SYNE1: variants seen among roughly 807,000 people sequenced by gnomAD.
SYNE1 encodes the protein spectrin repeat containing nuclear envelope protein 1.
A neutral mutation model predicts 1,111.0 loss-of-function variants in SYNE1; 616 were observed. The observed-to-expected ratio is 0.55, with a 90% CI of 0.52 to 0.59. SYNE1 has a LOEUF of 0.59. Ranked by LOEUF, SYNE1 falls within the 20% of genes least tolerant of loss-of-function variation. The pLI is 0.00. For synonymous variants in SYNE1, 3,855 were observed against 3,825.8 expected, an observed-to-expected ratio of 1.01 and a Z score of -0.28; for missense variants, 10,006 against 10,417.0, an observed-to-expected ratio of 0.96 and a Z score of 1.72.
rs116356962 is a variant in SYNE1 at position 152,122,155 on chromosome 6, C to A, written c.*281G>T. 2.2e-5 allele frequency: 10 copies of A among 463,380 alleles called. No homozygotes were observed. Among genetic ancestry groups the A allele is most frequent in the Non-Finnish European group, 3.6e-5 (9 of 252,758 alleles). The allele number at this position is 463,380 out of a possible 1,614,324, so 28.7% of individuals were successfully genotyped here. ...GCCAAGGGCCCAGAATTCATGAGTCCGGGGAACTTTGGAGGTCCTTACTCA... is the reference window on the plus strand; with the variant it reads ...GCCAAGGGCCCAGAATTCATGAGTCAGGGGAACTTTGGAGGTCCTTACTCA... On this transcript the variant is annotated 3_prime_UTR_variant, in exon 146 of 146. Coordinates refer to ENST00000367255, the MANE Select transcript of SYNE1 (RefSeq NM_182961.4).
chr6:152,571,317 A>G (rs1441160616), intron 3 of SYNE1, among the ~76,000 whole-genome samples: 1 of 152,198 alleles, frequency 6.6e-6, no homozygotes. Context: ...CTAGCTGAGA[A>G]CTGGCACTTG....
At chr6:152,510,109 T>G in intron 8 of SYNE1, 84 bp downstream of exon 8, 2 of 1,358,120 alleles carry the variant, frequency 1.5e-6, no homozygotes, top group South Asian at 1.2e-5. Flanking sequence ...TCTCTTCACA[T>G]TTCGCAATCA....
intron 132 of SYNE1, 92 bp from the exon 133 acceptor site, chr6:152,155,134 C>G (rs1163162516): frequency 6.7e-7 from 1 of 1,498,180 alleles, no homozygotes; most frequent in Non-Finnish European, 9.3e-7. Flanking sequence ...ATTAAGGGTG[C>G]CCACAGAGGC....
chr6:152,289,552 A>G (rs146075951), intron 95 of SYNE1, among the ~76,000 whole-genome samples: 2,497 of 152,120 alleles, frequency 0.016, 27 homozygotes, highest in Non-Finnish European at 0.024. Context: ...CACCATGCCC[A>G]GCTAATTTTT....
At chr6:152,130,643 G>A in intron 145 of SYNE1, 77 bp downstream of exon 145, 1 of 1,515,066 alleles carries the variant, frequency 6.6e-7, no homozygotes, top group South Asian at 1.1e-5. Flanking sequence ...CCAGATATAG[G>A]TCAACCTAAG....
rs557467001 is a variant in SYNE1 at position 152,570,350 on chromosome 6, T to C, written c.68-30329A>G. ...TGCCTATAAAACCATTACTATATCA[T>C]ATATAAAACTCATACTCTTCCTTCT... On this transcript the variant is annotated intron_variant, in intron 3 of 145. Transcript: ENST00000367255. 1.2e-4 allele frequency among the ~76,000 whole-genome samples: 18 copies of C among 152,342 alleles called. No individual in the cohort carries two copies. In the South Asian group the frequency reaches 3.1e-3, roughly 26 times the overall value.
Position 152,330,048 on chromosome 6 carries a change from A to G in SYNE1, c.14637T>C (p.Cys4879=). Residue 4879 remains cysteine (C), a synonymous_variant, in exon 78 of 146, where the codon TGT becomes TGC. Coordinates refer to ENST00000367255, the MANE Select transcript of SYNE1 (RefSeq NM_182961.4). ...CTATACTCTGCACCATTCGGCTCTC[A>G]CATTCTGTCACCGTCTCACCAATGG... The part of the protein sequence containing the change: ...TSAIGETVTE[C]ESRMVQSIDF... 1 of 1,614,088 alleles carries G rather than the reference A, an allele frequency of 6.2e-7. No individual in the cohort carries two copies. Among genetic ancestry groups the G allele is most frequent in the Non-Finnish European group, 8.5e-7 (1 of 1,180,012 alleles).
chr6:152,361,166 G>C (rs1481051256), intron 64 of SYNE1, among the ~76,000 whole-genome samples: 8 of 152,194 alleles, frequency 5.3e-5, no homozygotes, highest in Admixed American at 5.2e-4. Context: ...CAAAGACACA[G>C]AATTGTGAAG....
intron 2 of SYNE1, among the ~76,000 whole-genome samples, chr6:152,636,381 C>T (rs1418876915): frequency 1.3e-5 from 2 of 152,142 alleles, no homozygotes; most frequent in Non-Finnish European, 2.9e-5. Context: ...GAAATGACAA[C>T]TCAGAGAGGG....
chr6:152,359,057 G>A (rs2096887461), intron 65 of SYNE1, among the ~76,000 whole-genome samples: 1 of 152,128 alleles, frequency 6.6e-6, no homozygotes, highest in African/African-American at 2.4e-5. Context: ...AATTGAAGGT[G>A]TCCAGAATTT....
chr6:152,136,676 A>G lies in SYNE1; in HGVS notation c.25601T>C (p.Val8534Ala), dbSNP rs746452797. ...CCGCCACTCCTCCAGCAGAGAGCAC[A>G]CTCGGTCCCAGCGCCCATTCATCTG... ...LSQMNGRWDR[V>A]CSLLEEWRGL... The change falls in exon 141 of 146, where the codon GTG becomes GCG. Residue 8534 changes from valine to alanine, a missense_variant. Physicochemically the swap from Val to Ala is moderately conservative, Grantham distance 64. This residue lies in a region of SYNE1 where 761 missense variants were observed against 795.5 expected (regional missense o/e 0.96). Transcript: ENST00000367255. 5.0e-6 allele frequency: 8 copies of G among 1,613,958 alleles called. No homozygotes were observed. The highest frequency in any genetic ancestry group is 5.1e-6 in the Non-Finnish European group (6 of 1,180,014).
At chr6:152,224,359 A>T in intron 117 of SYNE1, 135 bp downstream of exon 117, 1 of 906,410 alleles carries the variant, frequency 1.1e-6, no homozygotes, top group East Asian at 2.7e-5. Context: ...AGGTAAAATT[A>T]ATTTTAAAGA....
Position 152,450,897 on chromosome 6 carries a change from C to T in SYNE1, c.3187-64G>A. The stretch of plus-strand genomic sequence containing the variant: ...GCCACACAGTACTTCTACATTTTCA[C>T]AGAAAAACCAAAGGAAGATTCCCAC... On this transcript the variant is annotated intron_variant, in intron 26 of 145. Transcript: ENST00000367255. The T allele has an allele frequency of 1.9e-6, 3 of 1,602,974 alleles. No homozygotes were observed. The South Asian group carries it at 3.3e-5, about 18-fold the overall frequency.
chr6:152,246,733 G>A (rs567299705), intron 105 of SYNE1, among the ~76,000 whole-genome samples: 1 of 152,262 alleles, frequency 6.6e-6, no homozygotes, highest in Non-Finnish European at 1.5e-5. Context: ...CCAGCCCAGT[G>A]GATAAAAATA....
chr6:152,335,546 C>T (rs557731918), intron 76 of SYNE1: 15 of 152,154 alleles, frequency 9.9e-5, no homozygotes, highest in African/African-American at 3.4e-4. Flanking sequence ...ATCCCGATCC[C>T]TATTCTCTTT....
intron 3 of SYNE1, among the ~76,000 whole-genome samples, chr6:152,627,731 C>G (rs956551753): frequency 6.6e-6 from 1 of 152,152 alleles, no homozygotes; most frequent in African/African-American, 2.4e-5. Context: ...GGATGCAGGA[C>G]TAGTCTGTAC....
intron 73 of SYNE1, 103 bp from the exon 74 acceptor site, chr6:152,344,330 C>A: frequency 3.9e-6 from 1 of 253,356 alleles, no homozygotes; most frequent in Non-Finnish European, 6.0e-6. Flanking sequence ...AATGGATTTT[C>A]CCCCCAAGAT....
At chr6:152,574,932 A>C (rs908303172) in intron 3 of SYNE1, among the ~76,000 whole-genome samples, 1 of 151,988 alleles carries the variant, frequency 6.6e-6, no homozygotes, top group African/African-American at 2.4e-5. Context: ...TTTGCTTTTC[A>C]TTTCTGTGGC....
chr6:152,615,373 A>G (rs543348088), intron 3 of SYNE1, among the ~76,000 whole-genome samples: 18 of 152,292 alleles, frequency 1.2e-4, no homozygotes, highest in Non-Finnish European at 2.2e-4. Context: ...AACTATTGTT[A>G]TCATCATATT....
Sources: gnomAD v4.1 joint callset for allele counts (sites outside exome capture counted in the v4.1 genomes callset) on GRCh38, gnomAD v4.1.1 for gene constraint, gnomAD v4.1.1 regional missense constraint, MANE v1.5 for transcripts, NCBI Gene and HGNC (gene_info 2026-07-23, HGNC 2026-07-21) for gene names.